PAX5: variants seen among roughly 807,000 people sequenced by gnomAD.
PAX5 encodes the protein paired box protein Pax-5.
Under a neutral mutation model 43.7 loss-of-function variants are expected in PAX5, and 9 were observed. That is an observed-to-expected ratio of 0.21 (90% CI 0.12 to 0.36). PAX5 has a LOEUF of 0.36. Among genes scored for constraint, PAX5 ranks in the 10% least tolerant of loss-of-function variants. The probability of loss-of-function intolerance (pLI) is 1.00; values close to 1 mark genes in which losing one functional copy is unlikely to be tolerated. For missense variants in PAX5, 383 were observed against 532.7 expected (o/e 0.72, Z 2.77); for synonymous variants, 228 against 214.3 (o/e 1.06, Z -0.56).
At chr9:36,990,488 A>G (rs1836836051) in intron 5 of PAX5, among the ~76,000 whole-genome samples, 2 of 152,250 alleles carry the variant, frequency 1.3e-5, no homozygotes, top group Non-Finnish European at 2.9e-5. Context: ...TTTGAAGGTT[A>G]AAACCCTTCA....
At chr9:37,021,545 T>C (rs74750988) in intron 1 of PAX5, among the ~76,000 whole-genome samples, 1,765 of 152,316 alleles carry the variant, frequency 0.012, 25 homozygotes, top group African/African-American at 0.04. Flanking sequence ...TTTACAATGT[T>C]TTGCAATTGA....
chr9:36,989,572 C>T (rs1225767835), intron 5 of PAX5, among the ~76,000 whole-genome samples: 1 of 152,218 alleles, frequency 6.6e-6, no homozygotes, highest in Non-Finnish European at 1.5e-5. Flanking sequence ...GATCTATACA[C>T]ATCTGGAGCA....
intron 8 of PAX5, among the ~76,000 whole-genome samples, chr9:36,879,320 C>A (rs1826194094): frequency 6.6e-6 from 1 of 152,230 alleles, no homozygotes; most frequent in Non-Finnish European, 1.5e-5. Flanking sequence ...AGAGGGCAGG[C>A]TCTGTTTGGA....
At chr9:36,968,784 G>T (rs1834674840) in intron 5 of PAX5, among the ~76,000 whole-genome samples, 2 of 152,088 alleles carry the variant, frequency 1.3e-5, no homozygotes, top group African/African-American at 4.8e-5. Flanking sequence ...ATCCCCATGG[G>T]GACCATTCCC....
At chr9:37,002,561 G>T in intron 5 of PAX5, 87 bp downstream of exon 5, 1 of 1,430,608 alleles carries the variant, frequency 7.0e-7, no homozygotes, top group East Asian at 2.4e-5. Flanking sequence ...GGGTGTTCGC[G>T]GGCACCTCTG....
chr9:36,894,193 C>T (rs935595874), intron 7 of PAX5, among the ~76,000 whole-genome samples: 1 of 152,118 alleles, frequency 6.6e-6, no homozygotes, highest in African/African-American at 2.4e-5. Context: ...GGGGCTGGTC[C>T]GAAACTTGGC....
chr9:37,008,349 C>A (rs902672303), intron 3 of PAX5, among the ~76,000 whole-genome samples: 5 of 152,254 alleles, frequency 3.3e-5, no homozygotes, highest in Non-Finnish European at 7.3e-5. Context: ...CCACCGCACT[C>A]AGCCTCCATG....
intron 6 of PAX5, among the ~76,000 whole-genome samples, chr9:36,955,278 G>A (rs944039711): frequency 6.6e-6 from 1 of 152,008 alleles, no homozygotes; most frequent in Non-Finnish European, 1.5e-5. Context: ...AGCTTATTTA[G>A]TAGTTATTAT....
intron 5 of PAX5, among the ~76,000 whole-genome samples, chr9:36,974,834 G>T (rs1472023006): frequency 6.6e-6 from 1 of 152,054 alleles, no homozygotes; most frequent in Admixed American, 6.6e-5. Context: ...AGCCCCCGAG[G>T]CCTCGACGAC....
At chr9:36,971,209 C>T (rs919404698) in intron 5 of PAX5, among the ~76,000 whole-genome samples, 2 of 152,152 alleles carry the variant, frequency 1.3e-5, no homozygotes, top group African/African-American at 4.8e-5. Context: ...AGTAAAGGTA[C>T]AAGTATCAAC....
chr9:36,930,527 C>T (rs1490430688), intron 6 of PAX5, among the ~76,000 whole-genome samples: 1 of 152,042 alleles, frequency 6.6e-6, no homozygotes, highest in Non-Finnish European at 1.5e-5. Context: ...GCGCCTGGCC[C>T]TTAGTTCATT....
chr9:36,967,315 A>G (rs1834529721), intron 5 of PAX5, among the ~76,000 whole-genome samples: 2 of 152,226 alleles, frequency 1.3e-5, no homozygotes, highest in South Asian at 4.1e-4. Flanking sequence ...CAAAGCCACA[A>G]ATGCACATTC....
rs1821596343 is a variant in PAX5, at chr9:36,835,744, T to G, written c.*4816A>C. ...AGAGCTGGTGTGTGGCTGGGAACCA[T>G]CAGAGCAGCCTCTCGATGGGTGACA... On this transcript the variant is annotated 3_prime_UTR_variant, in exon 10 of 10. Coordinates refer to ENST00000358127, the MANE Select transcript of PAX5 (RefSeq NM_016734.3). 3 of 233,220 alleles carry G rather than the reference T, an allele frequency of 1.3e-5. No homozygotes were observed. The South Asian group carries it at 5.4e-4, about 42-fold the overall frequency. 14.4% of individuals were successfully genotyped at this position (233,220 alleles called of 1,614,324 possible).
At chr9:37,020,233 C>T (rs1015601494) in intron 2 of PAX5, among the ~76,000 whole-genome samples, 10 of 151,950 alleles carry the variant, frequency 6.6e-5, no homozygotes, top group African/African-American at 2.4e-4. Context: ...CTGAAAATAA[C>T]AGCTGACTTT....
At chr9:37,011,128 CAAAA>C (rs1225031293) in intron 3 of PAX5, among the ~76,000 whole-genome samples, 25 of 100,980 alleles carry the variant, frequency 2.5e-4, no homozygotes, top group East Asian at 5.6e-4. Context: ...CTCAAAAAAA[CAAAA>C]AAAAAAAAAA....
rs113890687 is a variant in PAX5 at position 36,923,061 on chromosome 9, C to T, written c.910+294G>A. ...ACCCTAGGCCTCTGAACACTCAGCCCCACCCACGGGGGCCCCTCTGGCATG... is the reference window on the plus strand; with the variant it reads ...ACCCTAGGCCTCTGAACACTCAGCCTCACCCACGGGGGCCCCTCTGGCATG... On this transcript the variant is annotated intron_variant, in intron 7 of 9. Coordinates refer to ENST00000358127, the MANE Select transcript of PAX5 (RefSeq NM_016734.3). 7.3e-4 allele frequency: 262 copies of T among 360,318 alleles called. 1 individual carries two copies. The highest frequency in any genetic ancestry group is 1.1e-3 in the Non-Finnish European group (228 of 198,642). The allele number at this position is 360,318 out of a possible 1,614,324, so 22.3% of individuals were successfully genotyped here.
chr9:36,922,569 T>C (rs112347607), intron 7 of PAX5: 4,799 of 152,392 alleles, frequency 0.031, 249 homozygotes, highest in African/African-American at 0.11. Flanking sequence ...AGCAAGCCCC[T>C]TGGTGACCTG....
chr9:36,981,336 G>C lies in PAX5; in HGVS notation c.605-14612C>G, dbSNP rs1049199070. On this transcript the variant is annotated intron_variant, in intron 5 of 9. Transcript: ENST00000358127. The stretch of plus-strand genomic sequence containing the variant: ...CTCATGTGGGCAAACATTTTTGTCT[G>C]TCTTGTTCATTGCTGTGTCCCCAGC... 5.4e-5 allele frequency among the ~76,000 whole-genome samples: 8 copies of C among 148,106 alleles called. No individual in the cohort carries two copies. The South Asian group carries it at 1.7e-3, about 32-fold the overall frequency.
intron 2 of PAX5, among the ~76,000 whole-genome samples, chr9:37,019,421 G>A (rs1839676935): frequency 6.6e-6 from 1 of 152,142 alleles, no homozygotes; most frequent in Non-Finnish European, 1.5e-5. Context: ...GCTGGAGGAT[G>A]CGGAATGAAC....
Sources: gnomAD v4.1 joint callset for allele counts (sites outside exome capture counted in the v4.1 genomes callset) on GRCh38, gnomAD v4.1.1 for gene constraint, MANE v1.5 for transcripts, NCBI Gene and HGNC (gene_info 2026-07-23, HGNC 2026-07-21) for gene names.